The following EIF4G1 variants were observed in gnomAD, a reference collection of about 807,000 sequenced individuals.
EIF4G1 encodes eukaryotic translation initiation factor 4 gamma 1.
EIF4G1 carries 4 observed loss-of-function variants against 187.8 expected under a neutral mutation model. The observed-to-expected ratio is 0.02, with a 90% CI of 0.01 to 0.05. The LOEUF is 0.05. Among genes scored for constraint, EIF4G1 ranks in the 10% least tolerant of loss-of-function variants. The pLI is 1.00. For synonymous variants in EIF4G1, 844 were observed against 781.4 expected (o/e 1.08, Z -1.34); for missense variants, 1,647 against 2,081.1 (o/e 0.79, Z 4.06).
rs377280525 is a variant in EIF4G1, at chr3:184,331,624, A to G, written c.4395+18A>G. On this transcript the variant is annotated intron_variant, in intron 30 of 32. Transcript: ENST00000346169. ...GGATAGAGGTAGGTTTCTCCTGGAT[A>G]TCGATAAAGGAAAGGTAGTTCTTAG... 9.7e-5 allele frequency: 107 copies of G among 1,103,954 alleles called. No homozygotes were observed. Among genetic ancestry groups the G allele is most frequent in the Non-Finnish European group, 1.4e-4 (105 of 736,130 alleles). The allele number at this position is 1,103,954 out of a possible 1,614,324, so 68.4% of individuals were successfully genotyped here. A position where few individuals can be genotyped will look rare whatever the true frequency, so the allele number is the denominator to read the frequency against.
At chr3:184,318,420 C>T (rs187947169) in intron 6 of EIF4G1, among the ~76,000 whole-genome samples, 78 of 152,178 alleles carry the variant, frequency 5.1e-4, no homozygotes, top group African/African-American at 1.8e-3. Context: ...AGTTTGAGAC[C>T]AGCCTGGGAA....
At position 184,325,173 on chromosome 3, in the gene EIF4G1, C is replaced by T. The variant is rs967456568; in HGVS notation, c.2856+59C>T. The T allele has an allele frequency of 1.9e-6, 3 of 1,604,902 alleles. No homozygotes were observed. The African/African-American group carries it at 4.0e-5, about 21-fold the overall frequency. On this transcript the variant is annotated intron_variant, in intron 18 of 32. Transcript: ENST00000346169. This position sits in a 1 kb window ranked among gnomAD's most constrained non-coding sequence, Gnocchi z 5.2. Reference sequence around the variant, plus strand: ...GAAGCATATGTGGGGCTCACTGAGCCCACAATGATGGGGCGGAAGGCCTGA... The same window carrying T: ...GAAGCATATGTGGGGCTCACTGAGCTCACAATGATGGGGCGGAAGGCCTGA...
intron 6 of EIF4G1, among the ~76,000 whole-genome samples, chr3:184,318,814 A>G (rs558331023): frequency 6.6e-6 from 1 of 150,964 alleles, no homozygotes; most frequent in Non-Finnish European, 1.5e-5. Context: ...CATGTTGACC[A>G]GGCTGGTCTC....
rs142950695 is a variant in EIF4G1 at position 184,330,417 on chromosome 3, T to C, written c.4162-849T>C. On this transcript the variant is annotated intron_variant, in intron 28 of 32. Coordinates refer to ENST00000346169, the MANE Select transcript of EIF4G1 (RefSeq NM_198241.3). ...ATATATATCGGCTGTAAGACAACTT[T>C]TAGTTAAAATGTGAAAAAATGGGCA... 1.5e-3 allele frequency among the ~76,000 whole-genome samples: 222 copies of C among 152,162 alleles called. 1 individual carries two copies. Among genetic ancestry groups the C allele is most frequent in the African/African-American group, 5.2e-3 (214 of 41,450 alleles).
chr3:184,317,734 T>C lies in EIF4G1; in HGVS notation c.342T>C (p.Val114=), dbSNP rs1654875713. The C allele has an allele frequency of 1.9e-6, 3 of 1,614,086 alleles. No homozygotes were observed. The highest frequency in any genetic ancestry group is 2.5e-6 in the Non-Finnish European group (3 of 1,180,014). The part of the protein sequence containing the change: ...YIPGQGRSTY[V]VPTQQYPVQP... Reference sequence around the variant, plus strand: ...CCCACCAGGGGCGTTCCACATACGTTGTCCCGACACAGCAGTACCCTGTGC... The same window carrying C: ...CCCACCAGGGGCGTTCCACATACGTCGTCCCGACACAGCAGTACCCTGTGC... The change falls in exon 6 of 33, where the codon GTT becomes GTC. Residue 114 remains valine, a synonymous_variant. Coordinates refer to ENST00000346169, the MANE Select transcript of EIF4G1 (RefSeq NM_198241.3).
At chr3:184,329,438 T>G (rs112054238) in intron 28 of EIF4G1, among the ~76,000 whole-genome samples, 1 of 152,034 alleles carries the variant, frequency 6.6e-6, no homozygotes, top group African/African-American at 2.4e-5. Context: ...CAAGACCAGC[T>G]TGGCCAATAT....
In EIF4G1 at chr3:184,327,280, G is replaced by A; in HGVS notation, c.3493G>A (p.Glu1165Lys). ...GDRGDRLERS[E>K]RGGDRGDRLD... ...CCGAGGAGACCGCCTAGAGCGGAGT[G>A]AACGGGGAGGGGACCGTGGGGACCG... The change falls in exon 24 of 33, where the codon GAA becomes AAA. Residue 1165 changes from glutamate to lysine, a missense_variant. Transcript: ENST00000346169. The A allele has an allele frequency of 6.2e-7, 1 of 1,613,860 alleles. No homozygotes were observed. Among genetic ancestry groups the A allele is most frequent in the Non-Finnish European group, 8.5e-7 (1 of 1,180,054 alleles).
intron 28 of EIF4G1, among the ~76,000 whole-genome samples, chr3:184,329,371 G>A (rs1480024954): frequency 1.3e-5 from 2 of 152,214 alleles, no homozygotes; most frequent in Non-Finnish European, 1.5e-5. Context: ...AGTGGCTCAC[G>A]CCTGTAATCC....
At chr3:184,317,658 C>T (rs1723031350) in intron 5 of EIF4G1, 59 bp from the exon 6 acceptor site, 4 of 1,547,034 alleles carry the variant, frequency 2.6e-6, no homozygotes, top group African/African-American at 1.4e-5. Flanking sequence ...TTTTTGGAGT[C>T]TGATATGGAA....
At position 184,323,727 on chromosome 3, in the gene EIF4G1, C is replaced by T; in HGVS notation, c.2275-53C>T. The T allele has an allele frequency of 6.2e-7, 1 of 1,611,922 alleles. No individual in the cohort carries two copies. The highest frequency in any genetic ancestry group is 8.5e-7 in the Non-Finnish European group (1 of 1,179,476). On this transcript the variant is annotated intron_variant, in intron 15 of 32. Coordinates refer to ENST00000346169, the MANE Select transcript of EIF4G1 (RefSeq NM_198241.3). The surrounding 1 kb of genome is among the most constrained non-coding windows in gnomAD (Gnocchi z 6.9). ...TCCCCACCACCCTCTCCTGTCCCTCCCAACAGCCTGTTCTGAGACCCTCAC... is the reference window on the plus strand; with the variant it reads ...TCCCCACCACCCTCTCCTGTCCCTCTCAACAGCCTGTTCTGAGACCCTCAC...
intron 32 of EIF4G1, 115 bp downstream of exon 32, chr3:184,332,201 A>C (rs776250685): frequency 1.8e-5 from 25 of 1,397,736 alleles, no homozygotes; most frequent in Non-Finnish European, 2.0e-5. Flanking sequence ...ATTAGAGAGC[A>C]AAATGCCCTC....
Position 184,327,367 on chromosome 3 carries a change from A to C in EIF4G1, c.3580A>C (p.Ser1194Arg), listed in dbSNP as rs1368302330. ...CTTCAGCAAGGAAGTGGAGGAGCGGAGTAGAGAACGGCCCTCCCAGCCTGA... is the reference window on the plus strand; with the variant it reads ...CTTCAGCAAGGAAGTGGAGGAGCGGCGTAGAGAACGGCCCTCCCAGCCTGA... ...RSFSKEVEERSRERPSQPEGL... is the reference protein window; with the variant it reads ...RSFSKEVEERRRERPSQPEGL... Residue 1194 changes from serine (S) to arginine (R), a missense_variant, in exon 24 of 33, where the codon AGT (serine) becomes CGT (arginine). Physicochemically the swap from Ser to Arg is moderately radical, Grantham distance 110 (BLOSUM62 -1). Transcript: ENST00000346169. 2 of 1,613,618 alleles carry C rather than the reference A, an allele frequency of 1.2e-6. No individual in the cohort carries two copies.
Position 184,328,690 on chromosome 3 carries a change from T to C in EIF4G1, c.4013T>C (p.Leu1338Pro), listed in dbSNP as rs1392814166. 6.2e-7 allele frequency: 1 copy of C among 1,614,172 alleles called. No homozygotes were observed. Among genetic ancestry groups the C allele is most frequent in the Non-Finnish European group, 8.5e-7 (1 of 1,180,024 alleles). Residue 1338 changes from leucine to proline, a missense_variant, in exon 27 of 33, where the codon CTC becomes CCC. This residue lies in a region of EIF4G1 where 543 missense variants were observed against 638.0 expected (regional missense o/e 0.85). Transcript: ENST00000346169. ...GAAATTGACATCCCCCACGTGTGGC[T>C]CTACCTAGCGGAACTGGTAACACCC... ...DMEIDIPHVW[L>P]YLAELVTPIL...
Position 184,321,508 on chromosome 3 carries a change from G to A in EIF4G1, c.924G>A (p.Gly308=), listed in dbSNP as rs1723901059. Residue 308 remains glycine (G), a synonymous_variant, in exon 10 of 33, where the codon GGG becomes GGA. Transcript: ENST00000346169. ...EESTPISRET[G]EPYRLSPEPT... ...CAACCCCCATCTCCCGTGAAACTGG[G>A]GAGCCATATCGCCTCTCTCCAGAAC... The A allele has an allele frequency of 6.2e-7, 1 of 1,613,984 alleles. No homozygotes were observed. The highest frequency in any genetic ancestry group is 1.3e-5 in the African/African-American group (1 of 74,896).
Position 184,325,562 on chromosome 3 carries a change from G to A in EIF4G1, c.3044G>A (p.Arg1015Gln). ...AAGGAGGCTGAGATGGAAGAACATC[G>A]AGAGCACATCAAAGTGCAGCAGCTC... ...IHKEAEMEEHREHIKVQQLMA... is the reference protein window; with the variant it reads ...IHKEAEMEEHQEHIKVQQLMA... Residue 1015 changes from arginine to glutamine, a missense_variant, in exon 20 of 33, where the codon CGA becomes CAA. Around this residue, in one of 11 missense-constraint regions of EIF4G1, gnomAD observed 142 missense variants for 296.6 expected, o/e 0.48. Transcript: ENST00000346169. The surrounding 1 kb of genome is among the most constrained non-coding windows in gnomAD (Gnocchi z 5.2). The A allele has an allele frequency of 6.2e-7, 1 of 1,614,188 alleles. No individual in the cohort carries two copies. The highest frequency in any genetic ancestry group is 8.5e-7 in the Non-Finnish European group (1 of 1,180,044).
chr3:184,334,850 C>T lies in EIF4G1; in HGVS notation c.4742C>T (p.Ser1581Phe). Reference protein sequence around the residue: ...EQQGKGVALKSVTAFFKWLRE... With the variant: ...EQQGKGVALKFVTAFFKWLRE... ...CAGGGCAAGGGTGTGGCCCTTAAAT[C>T]TGTCACAGCCTTCTTCAAGTGGCTC... is the stretch of plus-strand genomic sequence containing the variant. Residue 1581 changes from serine (S) to phenylalanine (F), a missense_variant, in exon 33 of 33, where the codon TCT becomes TTT. Physicochemically the swap from Ser to Phe is radical, Grantham distance 155 (BLOSUM62 -2). Transcript: ENST00000346169. The surrounding 1 kb of genome is among the most constrained non-coding windows in gnomAD (Gnocchi z 5.8). The T allele has an allele frequency of 1.9e-6, 3 of 1,614,198 alleles. No individual in the cohort carries two copies. The highest frequency in any genetic ancestry group is 1.7e-6 in the Non-Finnish European group (2 of 1,180,022).
rs550404170 is a variant in EIF4G1 at position 184,322,034 on chromosome 3, C to T, written c.1450C>T (p.Leu484Phe). ...AESEKGGEEL[L>F]PPESTPIPAN... Reference sequence around the variant, plus strand: ...GAGTGAGAAAGGAGGAGAGGAACTGCTCCCCCCAGAGAGTACCCCTATTCC... The same window carrying T: ...GAGTGAGAAAGGAGGAGAGGAACTGTTCCCCCCAGAGAGTACCCCTATTCC... Residue 484 changes from leucine to phenylalanine, a missense_variant, in exon 10 of 33, where the codon CTC (leucine) becomes TTC (phenylalanine). By Grantham distance (22) the Leu-to-Phe change is conservative. Coordinates refer to ENST00000346169, the MANE Select transcript of EIF4G1 (RefSeq NM_198241.3). The T allele has an allele frequency of 3.5e-5, 56 of 1,614,116 alleles. No homozygotes were observed. In the South Asian group the frequency reaches 5.9e-4, roughly 17 times the overall value.
At position 184,327,394 on chromosome 3, in the gene EIF4G1, G is replaced by A. The variant is rs746816180; in HGVS notation, c.3607G>A (p.Gly1203Arg). ...TAGAGAACGGCCCTCCCAGCCTGAGGGGCTGCGCAAGGCAGCTAGCCTCAC... is the reference window on the plus strand; with the variant it reads ...TAGAGAACGGCCCTCCCAGCCTGAGAGGCTGCGCAAGGCAGCTAGCCTCAC... ...RSRERPSQPEGLRKAASLTED... is the reference protein window; with the variant it reads ...RSRERPSQPERLRKAASLTED... Residue 1203 changes from glycine to arginine, a missense_variant, in exon 24 of 33, where the codon GGG (glycine) becomes AGG (arginine). By Grantham distance (125) the Gly-to-Arg change is moderately radical (BLOSUM62 -2). Coordinates refer to ENST00000346169, the MANE Select transcript of EIF4G1 (RefSeq NM_198241.3). 2 of 1,613,516 alleles carry A rather than the reference G, an allele frequency of 1.2e-6. No homozygotes were observed. Among genetic ancestry groups the A allele is most frequent in the African/African-American group, 1.3e-5 (1 of 74,956 alleles).
At chr3:184,331,177 G>T (rs773878360) in intron 28 of EIF4G1, 89 bp from the exon 29 acceptor site, 1 of 1,392,386 alleles carries the variant, frequency 7.2e-7, no homozygotes, top group African/African-American at 1.4e-5. Flanking sequence ...TAGGCTTTCA[G>T]TAAATATTTG....
Sources: gnomAD v4.1 joint callset for allele counts (sites outside exome capture counted in the v4.1 genomes callset) on GRCh38, gnomAD v4.1.1 for gene constraint, gnomAD v4.1.1 regional missense constraint, Gnocchi (gnomAD v3.1) non-coding constraint, MANE v1.5 for transcripts, NCBI Gene and HGNC (gene_info 2026-07-23, HGNC 2026-07-21) for gene names.